The following SUPT3H variants were observed in gnomAD, a reference collection of about 807,000 sequenced individuals.
The protein encoded by SUPT3H is transcription initiation protein SPT3 homolog.
Under a neutral mutation model 44.3 loss-of-function variants are expected in SUPT3H, and 44 were observed. The ratio of observed to expected loss-of-function variants is 0.99; its 90% CI spans 0.78 to 1.28. The LOEUF (loss-of-function observed/expected upper bound fraction) is 1.28, where lower values mean the gene tolerates loss of function less well. SUPT3H is among the 50% of genes most tolerant of loss of function. SUPT3H has a pLI of 0.00. For synonymous variants in SUPT3H, 124 were observed against 125.6 expected (o/e 0.99, Z 0.09); for missense variants, 380 against 387.1 (o/e 0.98, Z 0.15).
At chr6:45,259,225 T>C (rs1288096950) in intron 2 of SUPT3H, among the ~76,000 whole-genome samples, 1 of 152,108 alleles carries the variant, frequency 6.6e-6, no homozygotes, top group Non-Finnish European at 1.5e-5. Context: ...AAAGTACCTA[T>C]GTTGTAATTT....
chr6:45,126,581 A>G (rs1170866763), intron 2 of SUPT3H, among the ~76,000 whole-genome samples: 1 of 152,208 alleles, frequency 6.6e-6, no homozygotes, highest in Non-Finnish European at 1.5e-5. Context: ...GAATTTCCTA[A>G]TGAAGATTTA....
rs147823731 is a variant in SUPT3H at position 45,090,179 on chromosome 6, G to A, written c.186+15743C>T. On this transcript the variant is annotated intron_variant, in intron 3 of 10. Transcript: ENST00000371459. ...TTCACATCCATTCTGAAATCCAAAC[G>A]GGGTTAGCTATTAATCATTACTATG... Among the ~76,000 whole-genome samples the A allele has an allele frequency of 3.4e-3, 512 of 152,072 alleles. 13 individuals are homozygous for A. Among genetic ancestry groups the A allele is most frequent in the Admixed American group, 0.029 (443 of 15,250 alleles).
chr6:45,283,962 G>T (rs779811349), intron 2 of SUPT3H, among the ~76,000 whole-genome samples: 26 of 152,002 alleles, frequency 1.7e-4, no homozygotes, highest in African/African-American at 6.0e-4. Context: ...ACATGTAAAC[G>T]GAACAACCTG....
At chr6:45,045,421 A>G (rs1422053871) in intron 3 of SUPT3H, among the ~76,000 whole-genome samples, 1 of 152,190 alleles carries the variant, frequency 6.6e-6, no homozygotes, top group African/African-American at 2.4e-5. Context: ...CATGGGATGT[A>G]GTCATGTAGT....
chr6:44,902,931 C>T (rs910332776), intron 10 of SUPT3H, among the ~76,000 whole-genome samples: 1 of 152,192 alleles, frequency 6.6e-6, no homozygotes, highest in Non-Finnish European at 1.5e-5. Flanking sequence ...TGAATGACTA[C>T]TGGGTACATC....
At chr6:45,324,107 G>A (rs1310437589) in intron 2 of SUPT3H, among the ~76,000 whole-genome samples, 3 of 151,792 alleles carry the variant, frequency 2.0e-5, no homozygotes, top group Non-Finnish European at 2.9e-5. Context: ...GCAAGTTCTC[G>A]CCTTTTTTTA....
At chr6:45,315,498 T>C (rs1402782311) in intron 2 of SUPT3H, among the ~76,000 whole-genome samples, 1 of 151,974 alleles carries the variant, frequency 6.6e-6, no homozygotes, top group Non-Finnish European at 1.5e-5. Flanking sequence ...AAAGAAGATA[T>C]ACAAATGGCC....
chr6:45,298,898 A>C lies in SUPT3H; in HGVS notation c.101+66303T>G, dbSNP rs1177607482. 3.9e-5 allele frequency among the ~76,000 whole-genome samples: 6 copies of C among 152,178 alleles called. 1 individual carries two copies. In the South Asian group the frequency reaches 1.0e-3, roughly 26 times the overall value. ...ATGATCCCTGTGTCTTTTTATATTAAAAATTTTTAATTACTCATCAAAGAA... is the reference window on the plus strand; with the variant it reads ...ATGATCCCTGTGTCTTTTTATATTACAAATTTTTAATTACTCATCAAAGAA... On this transcript the variant is annotated intron_variant, in intron 2 of 10. Coordinates refer to ENST00000371459, the MANE Select transcript of SUPT3H (RefSeq NM_003599.4).
At chr6:45,241,550 T>G (rs1320336342) in intron 2 of SUPT3H, among the ~76,000 whole-genome samples, 1 of 152,184 alleles carries the variant, frequency 6.6e-6, no homozygotes, top group Non-Finnish European at 1.5e-5. Flanking sequence ...TTGAGGCCAA[T>G]AAATATGTGG....
chr6:45,183,034 A>T (rs1813560554), intron 2 of SUPT3H, among the ~76,000 whole-genome samples: 1 of 152,260 alleles, frequency 6.6e-6, no homozygotes, highest in Non-Finnish European at 1.5e-5. Context: ...TGTTCACTGC[A>T]GCATTATTCA....
At chr6:45,186,368 A>G (rs1398979725) in intron 2 of SUPT3H, among the ~76,000 whole-genome samples, 1 of 152,234 alleles carries the variant, frequency 6.6e-6, no homozygotes, top group East Asian at 1.9e-4. Flanking sequence ...AGGATTTTAA[A>G]GTAACCATCA....
intron 10 of SUPT3H, among the ~76,000 whole-genome samples, chr6:44,920,334 G>T (rs1413232642): frequency 6.6e-6 from 1 of 152,132 alleles, no homozygotes; most frequent in African/African-American, 2.4e-5. Flanking sequence ...CACTTTGGGA[G>T]GCCAAGGCAG....
intron 2 of SUPT3H, among the ~76,000 whole-genome samples, chr6:45,283,278 GAC>G (rs1778531376): frequency 6.6e-6 from 1 of 152,226 alleles, no homozygotes; most frequent in African/African-American, 2.4e-5. Flanking sequence ...CCAATTAAAA[GAC>G]ACACACTGCC....
At chr6:45,328,595 A>G (rs1786820954) in intron 2 of SUPT3H, 1 of 1,591,080 alleles carries the variant, frequency 6.3e-7, no homozygotes, top group Non-Finnish European at 8.5e-7. Context: ...AAATAAATAT[A>G]AAGTCTATGT....
intron 10 of SUPT3H, among the ~76,000 whole-genome samples, chr6:44,892,436 T>A (rs2153442520): frequency 6.6e-6 from 1 of 152,234 alleles, no homozygotes; most frequent in South Asian, 2.1e-4. Context: ...AGCAGCTTGA[T>A]CTTGGACTTT....
intron 2 of SUPT3H, among the ~76,000 whole-genome samples, chr6:45,300,993 T>C (rs1015969724): frequency 2.6e-5 from 4 of 152,114 alleles, no homozygotes; most frequent in African/African-American, 4.8e-5. Context: ...TGTCACATAT[T>C]GAGACAAAGA....
intron 4 of SUPT3H, among the ~76,000 whole-genome samples, chr6:45,019,263 G>T (rs1041514807): frequency 1.6e-4 from 25 of 151,662 alleles, no homozygotes. Flanking sequence ...TCTTGCTAGC[G>T]GTCTATCAGT....
chr6:45,220,435 C>T (rs1275117296), intron 2 of SUPT3H, among the ~76,000 whole-genome samples: 1 of 151,932 alleles, frequency 6.6e-6, no homozygotes, highest in Non-Finnish European at 1.5e-5. Flanking sequence ...GGGAAACTTT[C>T]CCAACAACCA....
intron 2 of SUPT3H, among the ~76,000 whole-genome samples, chr6:45,112,574 G>GC: frequency 6.6e-6 from 1 of 152,254 alleles, no homozygotes; most frequent in South Asian, 2.1e-4. Flanking sequence ...TTCTAACAGA[G>GC]GGGAAGGACT....
Sources: allele counts gnomAD v4.1 joint callset (sites outside exome capture counted in the v4.1 genomes callset), GRCh38; gene constraint gnomAD v4.1.1; transcripts MANE v1.5; gene names NCBI Gene and HGNC (gene_info 2026-07-23, HGNC 2026-07-21).